DMD: variants seen among roughly 807,000 people sequenced by gnomAD.
DMD encodes the protein mutant dystrophin.
Under a neutral mutation model 330.1 loss-of-function variants are expected in DMD, and 63 were observed. That is an observed-to-expected ratio of 0.19 (90% confidence interval 0.16 to 0.24). The LOEUF (loss-of-function observed/expected upper bound fraction) is 0.24, where lower values mean the gene tolerates loss of function less well. Among genes scored for constraint, DMD ranks in the 10% least tolerant of loss-of-function variants. The probability of loss-of-function intolerance (pLI) is 1.00; values close to 1 mark genes in which losing one functional copy is unlikely to be tolerated. For missense variants in DMD, 3,344 were observed against 2,684.1 expected (o/e 1.25, Z -5.43); for synonymous variants, 1,223 against 959.8 (o/e 1.27, Z -5.07).
intron 52 of DMD, among the ~76,000 whole-genome samples, chrX:31,724,639 A>G (rs887983078): frequency 2.6e-4 from 29 of 111,901 alleles, no homozygotes; most frequent in African/African-American, 8.8e-4. Context: ...TTAGCTAATA[A>G]AAGGCCACAT....
intron 43 of DMD, among the ~76,000 whole-genome samples, chrX:32,255,157 C>T (rs2097293171): frequency 9.0e-6 from 1 of 111,511 alleles, no homozygotes; most frequent in Non-Finnish European, 1.9e-5. Context: ...ATGGATACAC[C>T]ACGTTTTGTT....
At chrX:31,406,612 A>G (rs190518407) in intron 60 of DMD, among the ~76,000 whole-genome samples, 187 of 110,873 alleles carry the variant, frequency 1.7e-3, no homozygotes, top group African/African-American at 5.6e-3. Context: ...ATACCCAATA[A>G]TCTTTGAGTT....
chrX:31,812,044 T>TG (rs2092474193), intron 50 of DMD, among the ~76,000 whole-genome samples: 2 of 105,281 alleles, frequency 1.9e-5, no homozygotes, highest in Non-Finnish European at 3.9e-5. Flanking sequence ...AATTAACCAT[T>TG]TTTTTTTTTT....
intron 7 of DMD, among the ~76,000 whole-genome samples, chrX:32,733,921 A>T: frequency 9.5e-6 from 1 of 105,761 alleles, no homozygotes; most frequent in South Asian, 4.4e-4. Flanking sequence ...ATCAGAGCAG[A>T]ACTGAAGGAA....
intron 47 of DMD, among the ~76,000 whole-genome samples, chrX:31,919,902 G>A (rs1430431581): frequency 2.7e-5 from 3 of 112,152 alleles, no homozygotes; most frequent in Non-Finnish European, 5.6e-5. Flanking sequence ...CTTCTCAGCT[G>A]ACACGAGACA....
chrX:32,978,316 C>T (rs5928132), intron 2 of DMD, among the ~76,000 whole-genome samples: 36,484 of 111,097 alleles, frequency 0.33, 4,410 homozygotes, highest in Non-Finnish European at 0.38. Flanking sequence ...TGCTTAGAAA[C>T]TTCTTCTAAG....
intron 44 of DMD, among the ~76,000 whole-genome samples, chrX:32,140,151 GAT>G (rs1778256900): frequency 8.9e-6 from 1 of 111,946 alleles, no homozygotes; most frequent in African/African-American, 3.2e-5. Flanking sequence ...CAGATTCAAT[GAT>G]ATGATTTGAA....
At chrX:31,722,497 G>A (rs936141368) in intron 52 of DMD, among the ~76,000 whole-genome samples, 1 of 110,989 alleles carries the variant, frequency 9.0e-6, no homozygotes, top group Non-Finnish European at 1.9e-5. Flanking sequence ...AATTTGTAGA[G>A]TAACTTAGAC....
At chrX:31,843,814 G>A (rs1030492815) in intron 48 of DMD, among the ~76,000 whole-genome samples, 10 of 69,607 alleles carry the variant, frequency 1.4e-4, no homozygotes, top group African/African-American at 8.0e-4. Flanking sequence ...GTATTTCCTA[G>A]GTTTTCTTCT....
intron 2 of DMD, among the ~76,000 whole-genome samples, chrX:32,858,483 T>C (rs1182082302): frequency 9.0e-6 from 1 of 111,232 alleles, no homozygotes; most frequent in East Asian, 2.8e-4. Flanking sequence ...GCATGTGTCA[T>C]CACGTCCAGC....
At chrX:32,250,508 C>A (rs6653865) in intron 43 of DMD, among the ~76,000 whole-genome samples, 3 of 111,596 alleles carry the variant, frequency 2.7e-5, no homozygotes, top group Non-Finnish European at 3.8e-5. Context: ...CCTATCCATG[C>A]GGGTCAAAAG....
chrX:31,580,464 T>A (rs1029318695), intron 55 of DMD, among the ~76,000 whole-genome samples: 4 of 111,631 alleles, frequency 3.6e-5, no homozygotes, highest in African/African-American at 1.3e-4. Context: ...CCCTCCAGAT[T>A]CCCAAGGGAG....
intron 7 of DMD, among the ~76,000 whole-genome samples, chrX:32,736,605 T>C (rs747225633): frequency 1.6e-3 from 182 of 110,906 alleles, no homozygotes; most frequent in South Asian, 0.016. Flanking sequence ...GATGAGTTCA[T>C]GTCCTTTGTA....
At chrX:31,998,724 C>T (rs1397610146) in intron 44 of DMD, among the ~76,000 whole-genome samples, 1 of 111,773 alleles carries the variant, frequency 8.9e-6, no homozygotes, top group Admixed American at 9.5e-5. Context: ...TCACAGAAGG[C>T]TTACAATTTC....
chrX:31,551,295 AG>A (rs2074473142), intron 55 of DMD, among the ~76,000 whole-genome samples: 2 of 110,767 alleles, frequency 1.8e-5, no homozygotes, highest in African/African-American at 6.6e-5. Flanking sequence ...AAATTATCCC[AG>A]TGAGGGGAGA....
chrX:32,539,397 G>A (rs35099181), intron 17 of DMD, among the ~76,000 whole-genome samples: 1 of 110,376 alleles, frequency 9.1e-6, no homozygotes, highest in Middle Eastern at 4.7e-3. Flanking sequence ...AGTCTCCTTA[G>A]GAAAAAAAGA....
intron 2 of DMD, among the ~76,000 whole-genome samples, chrX:33,003,345 T>G (rs1212143719): frequency 2.7e-5 from 3 of 112,094 alleles, no homozygotes; most frequent in Non-Finnish European, 5.6e-5. Flanking sequence ...TACTTCCCTT[T>G]CAACCACAGA....
rs777948355 is a variant in DMD, at chrX:32,940,691, A to G, written c.93+79448T>C. On this transcript the variant is annotated intron_variant, in intron 2 of 78. Transcript: ENST00000357033. ...AGATTTAAATGTAAGACCTCAAACT[A>G]GAAGAATTGTAGAAGAAAACCTAAG... Among the ~76,000 whole-genome samples, 12 of 112,003 alleles carry G rather than the reference A, an allele frequency of 1.1e-4. No homozygotes were observed. In the South Asian group the frequency reaches 1.8e-3, roughly 17 times the overall value.
At chrX:32,213,556 T>G (rs1305433183) in intron 44 of DMD, among the ~76,000 whole-genome samples, 1 of 112,116 alleles carries the variant, frequency 8.9e-6, no homozygotes, top group Non-Finnish European at 1.9e-5. Flanking sequence ...CTTAACTGTT[T>G]GGGGGGTTTG....
Sources: allele counts gnomAD v4.1 joint callset (sites outside exome capture counted in the v4.1 genomes callset), GRCh38; gene constraint gnomAD v4.1.1; transcripts MANE v1.5; gene names NCBI Gene and HGNC (gene_info 2026-07-23, HGNC 2026-07-21).